The following KMO variants were observed in gnomAD, a reference collection of about 807,000 sequenced individuals.
KMO encodes the protein kynurenine 3-hydroxylase.
In KMO, 24 loss-of-function variants were observed where a neutral mutation model predicts 57.8. The observed-to-expected ratio is 0.42, with a 90% CI of 0.30 to 0.58. The LOEUF (loss-of-function observed/expected upper bound fraction) is 0.58. KMO is among the 20% of genes least tolerant of loss of function. The pLI is 0.22. For synonymous variants in KMO, 210 were observed against 193.6 expected, an observed-to-expected ratio of 1.08 and a Z score of -0.70; for missense variants, 483 against 588.2, an observed-to-expected ratio of 0.82 and a Z score of 1.85.
At chr1:241,536,849 A>G (rs1660771569) in intron 1 of KMO, among the ~76,000 whole-genome samples, 1 of 152,158 alleles carries the variant, frequency 6.6e-6, no homozygotes, top group Non-Finnish European at 1.5e-5. Flanking sequence ...AATTCAAGTC[A>G]AGTCAGTGGC....
At chr1:241,539,756 A>T (rs926154980) in intron 1 of KMO, among the ~76,000 whole-genome samples, 1 of 151,938 alleles carries the variant, frequency 6.6e-6, no homozygotes, top group Admixed American at 6.6e-5. Flanking sequence ...CCATTCCCCC[A>T]CTAGTAATAA....
intron 10 of KMO, among the ~76,000 whole-genome samples, chr1:241,571,569 T>C (rs1014725052): frequency 2.6e-5 from 4 of 152,150 alleles, no homozygotes; most frequent in African/African-American, 9.6e-5. Context: ...TTCATTCTGT[T>C]GATATGAGGT....
At position 241,592,038 on chromosome 1, in the gene KMO, C is replaced by A; in HGVS notation, c.1346C>A (p.Ser449Tyr). ...CTTATACACTACATGTCACCACGAT[C>A]TTTCCTCCGCTTGAGAAGACCATGG... is the stretch of plus-strand genomic sequence containing the variant. ...YLLIHYMSPRSFLRLRRPWNW... is the reference protein window; with the variant it reads ...YLLIHYMSPRYFLRLRRPWNW... The change falls in exon 15 of 15, where the codon TCT (serine) becomes TAT (tyrosine). Residue 449 changes from serine to tyrosine, a missense_variant. Around this residue, in one of 3 missense-constraint regions of KMO, gnomAD observed 410 missense variants for 492.3 expected, o/e 0.83. Coordinates refer to ENST00000366559, the MANE Select transcript of KMO (RefSeq NM_003679.5). 6.2e-7 allele frequency: 1 copy of A among 1,613,976 alleles called. No individual in the cohort carries two copies. The highest frequency in any genetic ancestry group is 8.5e-7 in the Non-Finnish European group (1 of 1,179,906).
intron 11 of KMO, among the ~76,000 whole-genome samples, chr1:241,588,389 A>T (rs1663103777): frequency 7.8e-6 from 1 of 128,714 alleles, no homozygotes; most frequent in Non-Finnish European, 1.6e-5. Context: ...GATGCTCAGG[A>T]GCCAGAGATA....
intron 1 of KMO, among the ~76,000 whole-genome samples, chr1:241,535,731 A>T: frequency 6.6e-6 from 1 of 152,168 alleles, no homozygotes; most frequent in Non-Finnish European, 1.5e-5. Context: ...CCCTGTATTG[A>T]CTGATATTTT....
intron 10 of KMO, among the ~76,000 whole-genome samples, chr1:241,582,055 G>A (rs555850982): frequency 9.2e-4 from 140 of 152,198 alleles, no homozygotes; most frequent in Non-Finnish European, 1.2e-3. Context: ...TAAATTGGAA[G>A]CTTTTATTCC....
intron 5 of KMO, among the ~76,000 whole-genome samples, 157 bp from the exon 6 acceptor site, chr1:241,560,508 A>G (rs537816563): frequency 6.6e-6 from 1 of 152,342 alleles, no homozygotes; most frequent in African/African-American, 2.4e-5. Flanking sequence ...GTTACCAAAC[A>G]GTTGTCAAAT....
At chr1:241,552,472 G>A (rs573136974) in intron 4 of KMO, among the ~76,000 whole-genome samples, 2 of 152,242 alleles carry the variant, frequency 1.3e-5, no homozygotes, top group Non-Finnish European at 2.9e-5. Flanking sequence ...CACAGCCTGT[G>A]GGAGCACAAA....
In KMO at chr1:241,538,465, T is replaced by C. The variant is rs182431883; in HGVS notation, c.54+5967T>C. Among the ~76,000 whole-genome samples the C allele has an allele frequency of 7.0e-4, 107 of 152,316 alleles. 2 individuals are homozygous for C. Among genetic ancestry groups the C allele is most frequent in the African/African-American group, 2.5e-3 (103 of 41,576 alleles). ...TTAAGCAACTATTACCATAGTGACA[T>C]ACATGCCAGAGACGTTGTCTATAAG... On this transcript the variant is annotated intron_variant, in intron 1 of 14. Transcript: ENST00000366559.
At chr1:241,542,118 G>C (rs904695732) in intron 1 of KMO, among the ~76,000 whole-genome samples, 9 of 149,802 alleles carry the variant, frequency 6.0e-5, no homozygotes, top group Non-Finnish European at 1.0e-4. Context: ...TTATTTTTTT[G>C]TTGCTTATCA....
At chr1:241,550,923 C>T (rs1661370339) in intron 3 of KMO, 32 bp from the exon 4 acceptor site, 1 of 1,013,004 alleles carries the variant, frequency 9.9e-7, no homozygotes, top group South Asian at 1.6e-5. Context: ...ATGTTACTGT[C>T]ATTGAAGTCA....
At chr1:241,587,643 C>T (rs1663055814) in intron 11 of KMO, among the ~76,000 whole-genome samples, 1 of 152,042 alleles carries the variant, frequency 6.6e-6, no homozygotes, top group Non-Finnish European at 1.5e-5. Context: ...GGGGTTTCGT[C>T]ATGTTGGCCA....
intron 2 of KMO, among the ~76,000 whole-genome samples, chr1:241,549,293 A>G (rs918087503): frequency 7.8e-5 from 9 of 115,610 alleles, no homozygotes; most frequent in South Asian, 6.1e-4. Context: ...AAGAAAGGAG[A>G]AAGAGCAAGA....
At chr1:241,575,893 C>G (rs1662496054) in intron 10 of KMO, among the ~76,000 whole-genome samples, 1 of 151,950 alleles carries the variant, frequency 6.6e-6, no homozygotes, top group Non-Finnish European at 1.5e-5. Flanking sequence ...TGCTTTCTAC[C>G]TAATTTCTTA....
At chr1:241,588,329 C>CTTTTTTTTTTTTTTTT (rs57587351) in intron 11 of KMO, among the ~76,000 whole-genome samples, 1 of 98,390 alleles carries the variant, frequency 1.0e-5, no homozygotes, top group African/African-American at 3.9e-5. Flanking sequence ...TCTTTTTTTT[C>CTTTTTTTTTTTTTTTT]TTTTTTTTTT....
intron 2 of KMO, among the ~76,000 whole-genome samples, chr1:241,549,370 T>A (rs1455304625): frequency 2.7e-5 from 4 of 148,000 alleles, no homozygotes; most frequent in African/African-American, 1.1e-4. Flanking sequence ...GAAAGAAAGA[T>A]AGAAAGAAAG....
At chr1:241,551,964 C>T (rs942797725) in intron 4 of KMO, among the ~76,000 whole-genome samples, 1 of 151,982 alleles carries the variant, frequency 6.6e-6, no homozygotes, top group Admixed American at 6.6e-5. Flanking sequence ...GTGAAATCAA[C>T]GTAATCGTCT....
chr1:241,535,842 G>C (rs1480756051), intron 1 of KMO, among the ~76,000 whole-genome samples: 1 of 152,134 alleles, frequency 6.6e-6, no homozygotes, highest in Non-Finnish European at 1.5e-5. Context: ...ACCTGTGAAG[G>C]CTTCTCCTCT....
chr1:241,577,278 G>A (rs1207007415), intron 10 of KMO, among the ~76,000 whole-genome samples: 1 of 151,976 alleles, frequency 6.6e-6, no homozygotes, highest in Non-Finnish European at 1.5e-5. Context: ...GAAAGCCAGT[G>A]TGATCTTTTG....
Sources: allele counts gnomAD v4.1 joint callset (sites outside exome capture counted in the v4.1 genomes callset), GRCh38; gene constraint gnomAD v4.1.1; regional missense constraint gnomAD v4.1.1; transcripts MANE v1.5; gene names NCBI Gene and HGNC (gene_info 2026-07-23, HGNC 2026-07-21).